STRA6: variants seen among roughly 807,000 people sequenced by gnomAD.
STRA6 encodes receptor for retinol uptake STRA6.
A neutral mutation model predicts 83.6 loss-of-function variants in STRA6; 48 were observed. That is an observed-to-expected ratio of 0.57 (90% confidence interval 0.46 to 0.73). STRA6 has a LOEUF of 0.73. Ranked by LOEUF, STRA6 falls within the 30% of genes least tolerant of loss-of-function variation. The probability of loss-of-function intolerance (pLI) is 0.00; values close to 1 mark genes in which losing one functional copy is unlikely to be tolerated. For missense variants in STRA6, 760 were observed against 838.8 expected, an observed-to-expected ratio of 0.91 and a Z score of 1.16; for synonymous variants, 353 against 362.3, an observed-to-expected ratio of 0.97 and a Z score of 0.29.
At chr15:74,202,900 C>T, upstream of STRA6, 1 of 993,326 alleles carries the variant, frequency 1.0e-6, no homozygotes, top group African/African-American at 1.7e-5. Context: ...TTGACAAAGC[C>T]CCCCTCCTGG....
At chr15:74,191,580 G>A in intron 8 of STRA6, 89 bp from the exon 9 acceptor site, 1 of 1,163,440 alleles carries the variant, frequency 8.6e-7, no homozygotes, top group Non-Finnish European at 1.3e-6. Context: ...TGTTCACCAA[G>A]CAGGTGCTCC....
Position 74,179,923 on chromosome 15 carries a change from C to G in STRA6, c.*157G>C. The G allele has an allele frequency of 1.0e-6, 1 of 988,302 alleles. No homozygotes were observed. The highest frequency in any genetic ancestry group is 1.5e-6 in the Non-Finnish European group (1 of 664,686). The allele number at this position is 988,302 out of a possible 1,614,324, so 61.2% of individuals were successfully genotyped here. A position where few individuals can be genotyped will look rare whatever the true frequency, so the allele number is the denominator to read the frequency against. On this transcript the variant is annotated 3_prime_UTR_variant, in exon 19 of 19. Coordinates refer to ENST00000395105, the MANE Select transcript of STRA6 (RefSeq NM_022369.4). The stretch of plus-strand genomic sequence containing the variant: ...GGTGGAGCAGAGCCCTCCTGAGGCT[C>G]CCAGTGCAGACAGACCTCCACCCAA...
In STRA6 at chr15:74,189,135, T is replaced by A. The variant is rs1024553839; in HGVS notation, c.1070A>T (p.His357Leu). The change falls in exon 12 of 19, where the codon CAC becomes CTC. Residue 357 changes from histidine (H) to leucine (L), a missense_variant. By Grantham distance (99) the His-to-Leu change is moderately conservative. Coordinates refer to ENST00000395105, the MANE Select transcript of STRA6 (RefSeq NM_022369.4). ...DKQEVVELVK[H>L]HLWALEVCYI... ...CTCACCTTCCAGAGCCCACAGATGG[T>A]GCTTCACCAGCTCCACCACCTCCTG... 1 of 1,614,068 alleles carries A rather than the reference T, an allele frequency of 6.2e-7. No individual in the cohort carries two copies.
upstream of STRA6, among the ~76,000 whole-genome samples, chr15:74,210,103 G>C (rs1009680945): frequency 1.3e-5 from 2 of 152,188 alleles, no homozygotes; most frequent in Non-Finnish European, 2.9e-5. Context: ...AGCCAGCTTG[G>C]ATCTGATCAC....
At chr15:74,195,005 G>T in intron 7 of STRA6, 1 of 1,434,074 alleles carries the variant, frequency 7.0e-7, no homozygotes, top group Non-Finnish European at 9.1e-7. Context: ...ACTAACACAG[G>T]CATTGGGGGT....
chr15:74,189,169 C>T lies in STRA6; in HGVS notation c.1036G>A (p.Glu346Lys), dbSNP rs765105503. 3.7e-6 allele frequency: 6 copies of T among 1,614,088 alleles called. No individual in the cohort carries two copies. The highest frequency in any genetic ancestry group is 3.3e-5 in the Admixed American group (2 of 60,020). Reference protein sequence around the residue: ...LLAGFGIVLSEDKQEVVELVK... With the variant: ...LLAGFGIVLSKDKQEVVELVK... Reference sequence around the variant, plus strand: ...AGCTCCACCACCTCCTGCTTGTCCTCGGAGAGCACGATTCCAAAGCCGGCC... The same window carrying T: ...AGCTCCACCACCTCCTGCTTGTCCTTGGAGAGCACGATTCCAAAGCCGGCC... The change falls in exon 12 of 19, where the codon GAG (glutamate) becomes AAG (lysine). Residue 346 changes from glutamate (E) to lysine (K), a missense_variant. By Grantham distance (56) the Glu-to-Lys change is moderately conservative. Coordinates refer to ENST00000395105, the MANE Select transcript of STRA6 (RefSeq NM_022369.4).
Position 74,180,089 on chromosome 15 carries a change from G to A in STRA6, c.1995C>T (p.Ala665=), listed in dbSNP as rs773734490. ...RKTALLGANG[A]QP ...TTGACCTTCCCTGCCCTCAGGGCTG[G>A]GCACCATTGGCACCCAACAGGGCCG... Residue 665 remains alanine (A), a synonymous_variant, in exon 19 of 19, where the codon GCC becomes GCT. Transcript: ENST00000395105. 93 of 1,613,080 alleles carry A rather than the reference G, an allele frequency of 5.8e-5. 2 individuals are homozygous for A. In the South Asian group the frequency reaches 1.0e-3, roughly 18 times the overall value.
At chr15:74,193,730 A>T (rs2073664958) in intron 8 of STRA6, 70 bp downstream of exon 8, 1 of 1,601,732 alleles carries the variant, frequency 6.2e-7, no homozygotes, top group Non-Finnish European at 8.5e-7. Flanking sequence ...TGTATCTGGG[A>T]CCACAGATAC....
intron 12 of STRA6, among the ~76,000 whole-genome samples, chr15:74,187,320 C>G (rs1377906673): frequency 6.6e-6 from 1 of 152,246 alleles, no homozygotes; most frequent in Non-Finnish European, 1.5e-5. Context: ...CTCTGGGATC[C>G]TGTGCCTGCC....
At chr15:74,199,092 C>T (rs455154) in intron 2 of STRA6, among the ~76,000 whole-genome samples, 14 of 152,112 alleles carry the variant, frequency 9.2e-5, no homozygotes, top group African/African-American at 3.1e-4. Context: ...GTCTGGTGGG[C>T]GAGGGCCTGA....
At chr15:74,182,288 G>T in intron 15 of STRA6, 26 bp from the exon 16 acceptor site, 1 of 1,613,196 alleles carries the variant, frequency 6.2e-7, no homozygotes, top group Non-Finnish European at 8.5e-7. Flanking sequence ...GGAGGTGGTC[G>T]CTGTTAGCGG....
In STRA6 at chr15:74,180,158, G is replaced by T; in HGVS notation, c.1926C>A (p.Ala642=). 1 of 1,614,026 alleles carries T rather than the reference G, an allele frequency of 6.2e-7. No homozygotes were observed. Among genetic ancestry groups the T allele is most frequent in the Non-Finnish European group, 8.5e-7 (1 of 1,180,012 alleles). ...GGGTTGGGTTGTGCAGCAGCGTGTA[G>T]GCCAGACCCCAGCGAGCCCTGCCGC... ...ASRGRARWGL[A]YTLLHNPTLQ... The change falls in exon 19 of 19, where the codon GCC becomes GCA. Residue 642 remains alanine, a synonymous_variant. Coordinates refer to ENST00000395105, the MANE Select transcript of STRA6 (RefSeq NM_022369.4).
intron 1 of STRA6, chr15:74,208,768 C>T: frequency 2.0e-6 from 2 of 988,820 alleles, no homozygotes; most frequent in African/African-American, 3.5e-5. Flanking sequence ...GTTCCAATCC[C>T]ACCTGGCCTC....
At chr15:74,198,578 T>G (rs903729152) in intron 2 of STRA6, among the ~76,000 whole-genome samples, 4 of 152,198 alleles carry the variant, frequency 2.6e-5, no homozygotes, top group Non-Finnish European at 5.9e-5. Context: ...CGCCCTCTAC[T>G]CACTGCCATC....
intron 8 of STRA6, 149 bp from the exon 9 acceptor site, chr15:74,191,640 C>T (rs571011491): frequency 5.5e-6 from 4 of 722,730 alleles, no homozygotes; most frequent in Non-Finnish European, 1.0e-5. Context: ...ATGGGGCTGA[C>T]CTGTGGGGAT....
At chr15:74,183,809 G>A (rs1033584207) in intron 14 of STRA6, 47 bp downstream of exon 14, 9 of 1,613,052 alleles carry the variant, frequency 5.6e-6, no homozygotes, top group African/African-American at 4.0e-5. Flanking sequence ...CAGTGTCTGA[G>A]GGGAGGCCCA....
chr15:74,204,940 AAAAG>A (rs1555458359), upstream of STRA6, among the ~76,000 whole-genome samples: 12 of 151,738 alleles, frequency 7.9e-5, no homozygotes, highest in African/African-American at 1.2e-4. Flanking sequence ...ATCTCAAAAA[AAAAG>A]AAAGAAAGAA....
chr15:74,203,501 G>A (rs1166840558), upstream of STRA6, among the ~76,000 whole-genome samples: 1 of 152,234 alleles, frequency 6.6e-6, no homozygotes, highest in East Asian at 1.9e-4. Context: ...TGGAGGTTTA[G>A]GCCCCTAAAA....
At chr15:74,180,352 G>C in intron 18 of STRA6, 109 bp from the exon 19 acceptor site, 1 of 1,390,232 alleles carries the variant, frequency 7.2e-7, no homozygotes, top group Non-Finnish European at 1.0e-6. Flanking sequence ...TGCAGGTCGT[G>C]AGGCTTAGGA....
Sources: gnomAD v4.1 joint callset for allele counts (sites outside exome capture counted in the v4.1 genomes callset) on GRCh38, gnomAD v4.1.1 for gene constraint, MANE v1.5 for transcripts, NCBI Gene and HGNC (gene_info 2026-07-23, HGNC 2026-07-21) for gene names.